TMEM132B: variants seen among roughly 807,000 people sequenced by gnomAD.
TMEM132B encodes the protein transmembrane protein 132B.
TMEM132B carries 18 observed loss-of-function variants against 90.8 expected under a neutral mutation model. The observed-to-expected ratio is 0.20, with a 90% CI of 0.14 to 0.29. TMEM132B has a LOEUF of 0.29. Among genes scored for constraint, TMEM132B ranks in the 10% least tolerant of loss-of-function variants. The pLI, the probability that TMEM132B is intolerant of heterozygous loss-of-function variation, is 1.00. For synonymous variants in TMEM132B, 504 were observed against 523.3 expected (o/e 0.96, Z 0.50); for missense variants, 1,096 against 1,326.8 (o/e 0.83, Z 2.70).
chr12:125,227,734 C>T (rs1311704446), intron 1 of TMEM132B, among the ~76,000 whole-genome samples: 1 of 152,160 alleles, frequency 6.6e-6, no homozygotes, highest in Non-Finnish European at 1.5e-5. Flanking sequence ...TGTGCAGGTC[C>T]AGCATTCCAC....
intron 3 of TMEM132B, among the ~76,000 whole-genome samples, chr12:125,486,113 A>G (rs914033390): frequency 6.6e-6 from 1 of 152,168 alleles, no homozygotes; most frequent in African/African-American, 2.4e-5. Context: ...TGGCTTCATT[A>G]TGCTGCATTC....
chr12:125,352,393 G>A (rs1024075481), intron 2 of TMEM132B, among the ~76,000 whole-genome samples: 1 of 152,212 alleles, frequency 6.6e-6, no homozygotes, highest in Admixed American at 6.5e-5. Context: ...TCTATGTGCT[G>A]GGGGGACAAG....
intron 1 of TMEM132B, among the ~76,000 whole-genome samples, chr12:125,313,543 C>T (rs1393792978): frequency 1.0e-5 from 1 of 97,802 alleles, no homozygotes; most frequent in African/African-American, 4.1e-5. Context: ...CCCATTTCCC[C>T]CTCCCCTCCC....
intron 1 of TMEM132B, among the ~76,000 whole-genome samples, chr12:125,254,964 T>A (rs1033885534): frequency 6.6e-6 from 1 of 152,072 alleles, no homozygotes; most frequent in Non-Finnish European, 1.5e-5. Context: ...GGATTACAGG[T>A]GTGAGCCACT....
intron 1 of TMEM132B, among the ~76,000 whole-genome samples, chr12:125,203,278 C>G (rs1466951191): frequency 2.0e-5 from 3 of 152,146 alleles, no homozygotes; most frequent in Admixed American, 6.5e-5. Flanking sequence ...AAAATTATCT[C>G]TATCGACTGC....
intron 2 of TMEM132B, among the ~76,000 whole-genome samples, chr12:125,350,705 G>T (rs1877541385): frequency 6.6e-6 from 1 of 152,240 alleles, no homozygotes; most frequent in Admixed American, 6.5e-5. Context: ...TCCCACAGAG[G>T]CTGTGAGACA....
At chr12:125,265,733 T>C (rs74656584) in intron 1 of TMEM132B, among the ~76,000 whole-genome samples, 6,709 of 152,186 alleles carry the variant, frequency 0.044, 368 homozygotes, top group African/African-American at 0.13. Context: ...CCTTTACCTG[T>C]TTTTTTACTT....
At chr12:125,333,593 G>C (rs1229648346) in intron 1 of TMEM132B, among the ~76,000 whole-genome samples, 1 of 152,198 alleles carries the variant, frequency 6.6e-6, no homozygotes, top group African/African-American at 2.4e-5. Flanking sequence ...GTGAGTGTGA[G>C]AGCTGGAATG....
Position 125,616,603 on chromosome 12 carries a change from A to G in TMEM132B, c.1438-27473A>G, listed in dbSNP as rs532479188. ...TTTGCTCCACAAAAGACAGCTTTGCAAAGCTACTTCTGTTGTCAGGTCCTT... is the reference window on the plus strand; with the variant it reads ...TTTGCTCCACAAAAGACAGCTTTGCGAAGCTACTTCTGTTGTCAGGTCCTT... On this transcript the variant is annotated intron_variant, in intron 5 of 8. Transcript: ENST00000682704. Among the ~76,000 whole-genome samples the G allele has an allele frequency of 2.8e-4, 42 of 152,336 alleles. 1 individual carries two copies. The South Asian group carries it at 8.7e-3, about 32-fold the overall frequency.
At chr12:125,485,739 A>G (rs1882184704) in intron 3 of TMEM132B, among the ~76,000 whole-genome samples, 1 of 152,188 alleles carries the variant, frequency 6.6e-6, no homozygotes, top group Admixed American at 6.5e-5. Flanking sequence ...CTGAATATTA[A>G]GTGTTCACTG....
chr12:125,231,148 G>A (rs139778400), intron 1 of TMEM132B, among the ~76,000 whole-genome samples: 8 of 152,106 alleles, frequency 5.3e-5, no homozygotes, highest in Admixed American at 2.0e-4. Flanking sequence ...AATCCTTGGC[G>A]TACCTTGGTT....
chr12:125,543,615 A>G (rs1012539965), intron 4 of TMEM132B, among the ~76,000 whole-genome samples: 19 of 152,208 alleles, frequency 1.2e-4, no homozygotes, highest in Admixed American at 3.3e-4. Flanking sequence ...TCCCAGCACC[A>G]TTTATTAAAT....
At chr12:125,399,272 G>A (rs971735692) in intron 2 of TMEM132B, among the ~76,000 whole-genome samples, 26 of 152,280 alleles carry the variant, frequency 1.7e-4, no homozygotes, top group African/African-American at 6.3e-4. Context: ...CAGGAGCCAG[G>A]GATCGTAGCA....
chr12:125,290,036 C>T (rs1416627164), intron 1 of TMEM132B, among the ~76,000 whole-genome samples: 1 of 152,126 alleles, frequency 6.6e-6, no homozygotes. Context: ...CAAGAGGAAG[C>T]CTGGATATGC....
intron 1 of TMEM132B, among the ~76,000 whole-genome samples, chr12:125,297,310 CTGACAGGTGATAGGG>C (rs1875696845): frequency 6.6e-6 from 1 of 152,218 alleles, no homozygotes. Context: ...TGGTGTAGAC[CTGACAGGTGATAGGG>C]TGACAGGTGT....
intron 1 of TMEM132B, among the ~76,000 whole-genome samples, chr12:125,220,538 A>G (rs1331348118): frequency 6.6e-6 from 1 of 152,246 alleles, no homozygotes; most frequent in Non-Finnish European, 1.5e-5. Context: ...GAAAGTGACG[A>G]TAGCGATTCA....
chr12:125,424,459 T>G (rs1290786587), intron 3 of TMEM132B, among the ~76,000 whole-genome samples: 1 of 152,230 alleles, frequency 6.6e-6, no homozygotes, highest in Non-Finnish European at 1.5e-5. Flanking sequence ...TAATTTCTGG[T>G]TACATTTAAT....
chr12:125,328,341 T>C (rs2007225), intron 1 of TMEM132B, among the ~76,000 whole-genome samples: 70,136 of 152,112 alleles, frequency 0.46, 17,084 homozygotes, highest in African/African-American at 0.61. Flanking sequence ...GTTCTGCCCA[T>C]GCTGTTTCCT....
intron 5 of TMEM132B, among the ~76,000 whole-genome samples, chr12:125,619,328 TTATA>T (rs936866052): frequency 1.5e-5 from 2 of 134,312 alleles, no homozygotes; most frequent in Non-Finnish European, 3.1e-5. Context: ...TGGCATTTAT[TTATA>T]TTTATTTATT....
Sources: allele counts gnomAD v4.1 joint callset (sites outside exome capture counted in the v4.1 genomes callset), GRCh38; gene constraint gnomAD v4.1.1; transcripts MANE v1.5; gene names NCBI Gene and HGNC (gene_info 2026-07-23, HGNC 2026-07-21).